Variants in ABR observed in about 807,000 individuals in gnomAD.
ABR encodes active breakpoint cluster region-related protein.
A neutral mutation model predicts 107.2 loss-of-function variants in ABR; 35 were observed. That is an observed-to-expected ratio of 0.33 (90% CI 0.25 to 0.43). The LOEUF is 0.43. Ranked by LOEUF, ABR falls within the 20% of genes least tolerant of loss-of-function variation. The pLI, the probability that ABR is intolerant of heterozygous loss-of-function variation, is 1.00. For missense variants in ABR, 815 were observed against 1,115.2 expected (o/e 0.73, Z 3.83); for synonymous variants, 498 against 462.0 (o/e 1.08, Z -1.00).
chr17:1,133,954 G>A (rs1056975734), intron 1 of ABR, among the ~76,000 whole-genome samples: 3 of 152,160 alleles, frequency 2.0e-5, no homozygotes, highest in South Asian at 4.1e-4. Flanking sequence ...TTGGAGTTAC[G>A]GTGGCTTTAC....
At chr17:1,098,888 C>T (rs997925452) in intron 3 of ABR, among the ~76,000 whole-genome samples, 7 of 152,186 alleles carry the variant, frequency 4.6e-5, no homozygotes, top group Non-Finnish European at 8.8e-5. Context: ...CGGGTTCAAG[C>T]GATTCTCCTG....
chr17:1,082,608 C>T (rs1334803744), intron 5 of ABR, among the ~76,000 whole-genome samples: 1 of 152,132 alleles, frequency 6.6e-6, no homozygotes, highest in Non-Finnish European at 1.5e-5. Context: ...TGGCTCTTAC[C>T]CTTTTTGTGT....
chr17:1,024,988 G>T (rs2072064451), intron 16 of ABR, among the ~76,000 whole-genome samples: 1 of 150,136 alleles, frequency 6.7e-6, no homozygotes, highest in Admixed American at 6.7e-5. Flanking sequence ...GGGCGAGGTG[G>T]CGGGCGCCTG....
At chr17:1,075,124 G>T (rs941946624) in intron 6 of ABR, among the ~76,000 whole-genome samples, 1 of 152,248 alleles carries the variant, frequency 6.6e-6, no homozygotes, top group Non-Finnish European at 1.5e-5. Context: ...CACCAAGTGA[G>T]GATGGCTGGG....
chr17:1,029,527 C>T (rs924412842), intron 16 of ABR, among the ~76,000 whole-genome samples: 5 of 152,274 alleles, frequency 3.3e-5, no homozygotes, highest in Non-Finnish European at 7.4e-5. Context: ...GTGTTTCTCG[C>T]ACCCACAGCA....
At chr17:1,110,694 C>T (rs749905710) in intron 2 of ABR, among the ~76,000 whole-genome samples, 2 of 152,348 alleles carry the variant, frequency 1.3e-5, no homozygotes, top group African/African-American at 2.4e-5. Context: ...AAGCTGCCCT[C>T]CCTGGAGAGA....
chr17:1,220,224 G>A (rs1471620594), intron 1 of ABR, among the ~76,000 whole-genome samples: 1 of 151,890 alleles, frequency 6.6e-6, no homozygotes, highest in Non-Finnish European at 1.5e-5. Context: ...CCCGGAGGCA[G>A]AGCTTGCAGT....
intron 21 of ABR, 36 bp downstream of exon 21, chr17:1,009,643 G>C: frequency 6.4e-7 from 1 of 1,561,228 alleles, no homozygotes; most frequent in Non-Finnish European, 8.8e-7. Flanking sequence ...CATGAGGAGG[G>C]ACTGAGGAGG....
intron 1 of ABR, among the ~76,000 whole-genome samples, chr17:1,152,877 T>C (rs1199404352): frequency 6.6e-6 from 1 of 152,010 alleles, no homozygotes; most frequent in African/African-American, 2.4e-5. Context: ...GTGGATCACA[T>C]GAGGTCAGGA....
rs1416970067 is a variant in ABR, at chr17:1,208,704, C to T, written c.838+20089G>A. 5.3e-5 allele frequency among the ~76,000 whole-genome samples: 8 copies of T among 152,130 alleles called. No individual in the cohort carries two copies. In the South Asian group the frequency reaches 8.3e-4, roughly 16 times the overall value. On this transcript the variant is annotated intron_variant, in intron 1 of 22. Coordinates refer to the ABR transcript ENST00000574139. ...GAGATCGAAACCATCCTGGCTAACA[C>T]GGTGAAACCCCATCTCTACTAAAAA... is the stretch of plus-strand genomic sequence containing the variant.
chr17:1,166,916 C>T (rs558448109), intron 1 of ABR, among the ~76,000 whole-genome samples: 1 of 152,234 alleles, frequency 6.6e-6, no homozygotes, highest in Admixed American at 6.5e-5. Flanking sequence ...GCAGGAGAAT[C>T]GCTTGAACTG....
chr17:1,083,707 G>A (rs1409239139), intron 4 of ABR, 80 bp from the exon 5 acceptor site: 1 of 1,178,192 alleles, frequency 8.5e-7, no homozygotes, highest in South Asian at 1.2e-5. Context: ...GCTTCACGGA[G>A]CACCGGGAGC....
At chr17:1,204,459 C>CA (rs971323186) in intron 1 of ABR, among the ~76,000 whole-genome samples, 43 of 151,932 alleles carry the variant, frequency 2.8e-4, no homozygotes, top group African/African-American at 1.0e-3. Flanking sequence ...AACAAACAAA[C>CA]AAAAAAAATG....
chr17:1,100,771 G>A (rs747904011), intron 2 of ABR, 36 bp from the exon 3 acceptor site: 1 of 1,604,648 alleles, frequency 6.2e-7, no homozygotes, highest in Non-Finnish European at 8.5e-7. Flanking sequence ...CAGCTCATGA[G>A]CAAGGAGGCC....
At chr17:1,046,159 C>G (rs1234352242) in intron 16 of ABR, among the ~76,000 whole-genome samples, 1 of 152,090 alleles carries the variant, frequency 6.6e-6, no homozygotes, top group Non-Finnish European at 1.5e-5. Flanking sequence ...GCACGCACGA[C>G]CACCCCTGGC....
At chr17:1,065,061 C>T (rs539148203) in intron 10 of ABR, among the ~76,000 whole-genome samples, 6 of 71,128 alleles carry the variant, frequency 8.4e-5, no homozygotes, top group African/African-American at 1.6e-4. Context: ...ACTGTTGTTA[C>T]GTGAACTGAG....
chr17:1,006,420 T>C (rs916548911), intron 22 of ABR, among the ~76,000 whole-genome samples: 2 of 152,180 alleles, frequency 1.3e-5, no homozygotes, highest in African/African-American at 4.8e-5. Flanking sequence ...GTCCGGCCCC[T>C]GCTCTGGGTC....
In ABR at chr17:1,084,031, G is replaced by T. The variant is rs1048322234; in HGVS notation, c.532-404C>A. 7.9e-5 allele frequency among the ~76,000 whole-genome samples: 12 copies of T among 152,098 alleles called. No homozygotes were observed. The East Asian group carries it at 2.1e-3, about 27-fold the overall frequency. ...AGGGAGAGAGGGGGGTGTGTGTGCT[G>T]GGGGGAGCTGGCACGTGTGGCCTGC... On this transcript the variant is annotated intron_variant, in intron 4 of 22. Transcript: ENST00000302538. The surrounding 1 kb of genome is among the most constrained non-coding windows in gnomAD (Gnocchi z 4.2).
exon 1 of ABR, chr17:1,229,034 G>C (rs1182020547): frequency 2.0e-5 from 3 of 151,902 alleles, no homozygotes; most frequent in Non-Finnish European, 4.4e-5. Flanking sequence ...GCCCCCCGGG[G>C]ATCAGGTGCA....
Sources: gnomAD v4.1 joint callset for allele counts (sites outside exome capture counted in the v4.1 genomes callset) on GRCh38, gnomAD v4.1.1 for gene constraint, Gnocchi (gnomAD v3.1) non-coding constraint, MANE v1.5 for transcripts, NCBI Gene and HGNC (gene_info 2026-07-23, HGNC 2026-07-21) for gene names.